The following PRPF38A variants were observed in gnomAD, a reference collection of about 807,000 sequenced individuals.
PRPF38A encodes the protein pre-mRNA-splicing factor 38A.
PRPF38A carries 11 observed loss-of-function variants against 46.8 expected under a neutral mutation model. The observed-to-expected ratio is 0.24, with a 90% CI of 0.15 to 0.39. The LOEUF is 0.39. Ranked by LOEUF, PRPF38A falls within the 10% of genes least tolerant of loss-of-function variation. The probability of loss-of-function intolerance (pLI) is 1.00; values close to 1 mark genes in which losing one functional copy is unlikely to be tolerated. For synonymous variants in PRPF38A, 124 were observed against 136.2 expected (o/e 0.91, Z 0.62); for missense variants, 261 against 407.5 (o/e 0.64, Z 3.10).
intron 7 of PRPF38A, 26 bp from the exon 8 acceptor site, chr1:52,414,736 G>A (rs1347257229): frequency 6.2e-7 from 1 of 1,613,810 alleles, no homozygotes; most frequent in African/African-American, 1.3e-5. Context: ...AACCAGATCT[G>A]GTAGTCTGAC....
Position 52,413,636 on chromosome 1 carries a change from TAC to T in PRPF38A, c.610-233_610-232del, listed in dbSNP as rs200897924. 3.4e-3 allele frequency among the ~76,000 whole-genome samples: 512 copies of T among 152,154 alleles called. 4 individuals carry two copies. Among genetic ancestry groups the T allele is most frequent in the African/African-American group, 0.011 (475 of 41,510 alleles). ...TGCAGATAAACTAAACATACACACA[TAC>T]ACACACACAGGTCTGTTTCTGTTCC... On this transcript the variant is annotated intron_variant, in intron 5 of 9. Coordinates refer to ENST00000257181, the MANE Select transcript of PRPF38A (RefSeq NM_032864.4).
chr1:52,413,837 A>G (rs376318561), intron 5 of PRPF38A, 42 bp from the exon 6 acceptor site: 18 of 1,321,276 alleles, frequency 1.4e-5, no homozygotes, highest in Non-Finnish European at 1.6e-5. Flanking sequence ...ATGGCTCTTT[A>G]TAAGCCTGTG....
rs528846475 is a variant in PRPF38A at position 52,414,506 on chromosome 1, T to A, written c.723-115T>A. ...TGCTAGAGTTACGTGACAAAAGACA[T>A]GGATACAGAGGTGGGTGATACAGAG... On this transcript the variant is annotated intron_variant, in intron 6 of 9. Coordinates refer to ENST00000257181, the MANE Select transcript of PRPF38A (RefSeq NM_032864.4). The A allele has an allele frequency of 3.2e-4, 349 of 1,076,060 alleles. 4 individuals carry two copies. The Middle Eastern group carries it at 4.2e-3, about 13-fold the overall frequency. The allele number at this position is 1,076,060 out of a possible 1,614,324, so 66.7% of individuals were successfully genotyped here.
intron 5 of PRPF38A, among the ~76,000 whole-genome samples, chr1:52,413,411 CTTTT>C (rs549631051): frequency 6.8e-6 from 1 of 146,306 alleles, no homozygotes; most frequent in Non-Finnish European, 1.5e-5. Context: ...AGGAAGCAAA[CTTTT>C]TTTTTTTTTG....
chr1:52,411,442 A>C (rs377019628), intron 4 of PRPF38A, among the ~76,000 whole-genome samples: 1 of 152,214 alleles, frequency 6.6e-6, no homozygotes, highest in Non-Finnish European at 1.5e-5. Flanking sequence ...GTTTTTCTCC[A>C]TCCTTTTGTA....
At chr1:52,416,081 C>T (rs558987916) in intron 9 of PRPF38A, among the ~76,000 whole-genome samples, 130 of 151,786 alleles carry the variant, frequency 8.6e-4, no homozygotes, top group Admixed American at 1.8e-3. Flanking sequence ...CCTTGTGATC[C>T]GCCCACCTCG....
At chr1:52,410,396 ATTAC>A (rs1233412194) in intron 3 of PRPF38A, among the ~76,000 whole-genome samples, 3 of 150,560 alleles carry the variant, frequency 2.0e-5, no homozygotes, top group Non-Finnish European at 4.4e-5. Flanking sequence ...TCTTACGCAA[ATTAC>A]TTAAATTTAG....
In PRPF38A at chr1:52,408,746, C is replaced by A. The variant is rs1569975345; in HGVS notation, c.412+56C>A. 1.1e-5 allele frequency: 17 copies of A among 1,591,514 alleles called. No homozygotes were observed. In the East Asian group the frequency reaches 3.8e-4, roughly 36 times the overall value. Reference sequence around the variant, plus strand: ...ATTTTTAAGCCAGTTTTTATTTTACCAGTACTTCTACCTTTGCATTGTCAT... The same window carrying A: ...ATTTTTAAGCCAGTTTTTATTTTACAAGTACTTCTACCTTTGCATTGTCAT... On this transcript the variant is annotated intron_variant, in intron 3 of 9. Coordinates refer to ENST00000257181, the MANE Select transcript of PRPF38A (RefSeq NM_032864.4).
rs752969273 is a variant in PRPF38A at position 52,412,484 on chromosome 1, A to C, written c.499-30A>C. Reference sequence around the variant, plus strand: ...TTCAAGAAATAGGGGAAATGGCAACAACCCCTAACTCTCATCATTTTCTCT... The same window carrying C: ...TTCAAGAAATAGGGGAAATGGCAACCACCCCTAACTCTCATCATTTTCTCT... On this transcript the variant is annotated intron_variant, in intron 4 of 9. Coordinates refer to ENST00000257181, the MANE Select transcript of PRPF38A (RefSeq NM_032864.4). 23 of 1,513,504 alleles carry C rather than the reference A, an allele frequency of 1.5e-5. No homozygotes were observed. In the East Asian group the frequency reaches 5.2e-4, roughly 34 times the overall value. 93.8% of individuals were successfully genotyped at this position (1,513,504 alleles called of 1,614,324 possible). A position where few individuals can be genotyped will look rare whatever the true frequency, so the allele number is the denominator to read the frequency against.
At chr1:52,413,310 G>C (rs1648196207) in intron 5 of PRPF38A, among the ~76,000 whole-genome samples, 1 of 152,202 alleles carries the variant, frequency 6.6e-6, no homozygotes. Context: ...CCTTGTTTAG[G>C]AGGGGGAAAA....
chr1:52,412,275 T>G (rs1648168573), intron 4 of PRPF38A, among the ~76,000 whole-genome samples: 1 of 152,120 alleles, frequency 6.6e-6, no homozygotes, highest in Non-Finnish European at 1.5e-5. Context: ...GACTTTAGAG[T>G]ATAAGGTACA....
At chr1:52,411,985 G>A (rs1648162211) in intron 4 of PRPF38A, among the ~76,000 whole-genome samples, 1 of 152,138 alleles carries the variant, frequency 6.6e-6, no homozygotes, top group Admixed American at 6.5e-5. Flanking sequence ...ACTACATTTA[G>A]CCATTTGGCA....
At chr1:52,411,342 C>T (rs563734286) in intron 4 of PRPF38A, 142 bp downstream of exon 4, 8 of 608,298 alleles carry the variant, frequency 1.3e-5, no homozygotes, top group Non-Finnish European at 2.3e-5. Context: ...CTGGGAGTCC[C>T]AAGATAGTGG....
intron 3 of PRPF38A, among the ~76,000 whole-genome samples, chr1:52,409,925 G>A (rs1185368446): frequency 6.6e-6 from 1 of 151,944 alleles, no homozygotes; most frequent in Non-Finnish European, 1.5e-5. Flanking sequence ...TAAGTAGGGG[G>A]ATGGGCATGT....
At chr1:52,406,912 G>A (rs1458367828) in intron 2 of PRPF38A, among the ~76,000 whole-genome samples, 1 of 152,190 alleles carries the variant, frequency 6.6e-6, no homozygotes, top group Admixed American at 6.5e-5. Context: ...CATATTCTTT[G>A]CTACAGTATT....
chr1:52,410,011 A>G (rs1377069150), intron 3 of PRPF38A, among the ~76,000 whole-genome samples: 2 of 151,460 alleles, frequency 1.3e-5, no homozygotes, highest in South Asian at 2.1e-4. Flanking sequence ...CTATATATGT[A>G]TATGTATGTA....
intron 9 of PRPF38A, 149 bp from the exon 10 acceptor site, chr1:52,416,498 AG>A (rs1282755471): frequency 1.8e-6 from 1 of 558,874 alleles, no homozygotes; most frequent in African/African-American, 1.9e-5. Flanking sequence ...TAGTAGAGAC[AG>A]GGTTTCACCA....
chr1:52,414,606 C>T lies in PRPF38A; in HGVS notation c.723-15C>T, dbSNP rs1311150590. 2.5e-6 allele frequency: 4 copies of T among 1,612,902 alleles called. No individual in the cohort carries two copies. Among genetic ancestry groups the T allele is most frequent in the East Asian group, 2.2e-5 (1 of 44,898 alleles). On this transcript the variant is annotated splice_polypyrimidine_tract_variant and intron_variant, in intron 6 of 9. Coordinates refer to ENST00000257181, the MANE Select transcript of PRPF38A (RefSeq NM_032864.4). The stretch of plus-strand genomic sequence containing the variant: ...TGCGCCAACCTAGGCTTTCTTCTTC[C>T]TCTCCTCTTTATAGGCGGAGTCGAT...
Position 52,419,086 on chromosome 1 carries a change from T to C in PRPF38A, c.*2396T>C, listed in dbSNP as rs1648370401. 1 of 152,290 alleles carries C rather than the reference T, an allele frequency of 6.6e-6. No homozygotes were observed. 9.4% of individuals were successfully genotyped at this position (152,290 alleles called of 1,614,324 possible). A position where few individuals can be genotyped will look rare whatever the true frequency, so the allele number is the denominator to read the frequency against. On this transcript the variant is annotated 3_prime_UTR_variant, in exon 10 of 10. Coordinates refer to ENST00000257181, the MANE Select transcript of PRPF38A (RefSeq NM_032864.4). Reference sequence around the variant, plus strand: ...ATAATGCATTTTTGGCCAGGTGCGGTGGCTCACGCCTGTAATCCCAGCACT... The same window carrying C: ...ATAATGCATTTTTGGCCAGGTGCGGCGGCTCACGCCTGTAATCCCAGCACT...
Sources: gnomAD v4.1 joint callset for allele counts (sites outside exome capture counted in the v4.1 genomes callset) on GRCh38, gnomAD v4.1.1 for gene constraint, MANE v1.5 for transcripts, NCBI Gene and HGNC (gene_info 2026-07-23, HGNC 2026-07-21) for gene names.